Variants in TAS2R1 observed in about 807,000 individuals in gnomAD.
TAS2R1 encodes the protein taste 2 receptor member 1.
For missense variants in TAS2R1, 370 were observed against 353.4 expected, an observed-to-expected ratio of 1.05 and a Z score of -0.38; for synonymous variants, 141 against 134.2, an observed-to-expected ratio of 1.05 and a Z score of -0.35.
At chr5:9,787,483 C>T in the TAS2R1 span, among the ~76,000 whole-genome samples, 10 of 152,202 alleles carry the variant, frequency 6.6e-5, no homozygotes, top group South Asian at 2.1e-3. Flanking sequence ...ATACAAGATA[C>T]AAGTGGTCCT....
the TAS2R1 span, among the ~76,000 whole-genome samples, chr5:9,718,125 A>AT: frequency 0.012 from 1,729 of 138,766 alleles, 21 homozygotes; most frequent in Middle Eastern, 0.044. Flanking sequence ...ATGCCCAGCA[A>AT]TTTTTTTTTT....
the TAS2R1 span, among the ~76,000 whole-genome samples, chr5:9,809,577 C>A: frequency 6.6e-6 from 1 of 152,116 alleles, no homozygotes; most frequent in East Asian, 1.9e-4. Flanking sequence ...TGATCTTGGA[C>A]CTCCAGAACT....
chr5:9,632,138 C>G (rs1441264157), upstream of TAS2R1, among the ~76,000 whole-genome samples: 1 of 152,190 alleles, frequency 6.6e-6, no homozygotes, highest in Non-Finnish European at 1.5e-5. Flanking sequence ...CACCAAAATA[C>G]AAGAATATTG....
Position 9,656,243 on chromosome 5 carries a change from G to A in TAS2R1, c.-81+3178C>T, listed in dbSNP as rs1013371833. Among the ~76,000 whole-genome samples, 7 of 152,240 alleles carry A rather than the reference G, an allele frequency of 4.6e-5. No homozygotes were observed. The East Asian group carries it at 9.6e-4, about 21-fold the overall frequency. On this transcript the variant is annotated intron_variant, in intron 2 of 2. Coordinates refer to the TAS2R1 transcript ENST00000506620. ...TTGGGAAAAGCTAAAGAAAATTATC[G>A]AGTATCAGCAAGATTTAAGTTGTGG... is the stretch of plus-strand genomic sequence containing the variant.
intron 1 of TAS2R1, among the ~76,000 whole-genome samples, chr5:9,664,277 G>T (rs1411361802): frequency 6.6e-6 from 1 of 152,142 alleles, no homozygotes; most frequent in African/African-American, 2.4e-5. Context: ...CTGCAGAAAA[G>T]CAGAGGTTGT....
At chr5:9,887,772 T>C in the TAS2R1 span, among the ~76,000 whole-genome samples, 1 of 152,114 alleles carries the variant, frequency 6.6e-6, no homozygotes, top group Non-Finnish European at 1.5e-5. Flanking sequence ...GTGCAATCTG[T>C]TATAATAAGC....
At chr5:9,694,007 C>T (rs909282026) in intron 1 of TAS2R1, among the ~76,000 whole-genome samples, 2 of 152,086 alleles carry the variant, frequency 1.3e-5, no homozygotes, top group African/African-American at 4.8e-5. Flanking sequence ...TTGAGAAGAA[C>T]GAGCTTTTTA....
intron 1 of TAS2R1, among the ~76,000 whole-genome samples, chr5:9,684,822 T>C (rs1741094055): frequency 6.6e-6 from 1 of 152,098 alleles, no homozygotes; most frequent in Admixed American, 6.6e-5. Context: ...CTCTGTTGCA[T>C]AAATATGTAC....
upstream of TAS2R1, among the ~76,000 whole-genome samples, chr5:9,631,350 C>T (rs952108475): frequency 1.3e-5 from 2 of 152,198 alleles, no homozygotes; most frequent in African/African-American, 2.4e-5. Context: ...GGTAATCCTC[C>T]TGCCTCAGCC....
chr5:9,864,403 G>A, the TAS2R1 span, among the ~76,000 whole-genome samples: 1 of 152,110 alleles, frequency 6.6e-6, no homozygotes, highest in Non-Finnish European at 1.5e-5. Context: ...TGAGACAGGC[G>A]GGTCTCTTGA....
chr5:9,727,316 C>A, the TAS2R1 span, among the ~76,000 whole-genome samples: 1 of 152,178 alleles, frequency 6.6e-6, no homozygotes, highest in Non-Finnish European at 1.5e-5. Flanking sequence ...ATTGAATAAA[C>A]AGAGTTAATG....
At chr5:9,868,005 C>A in the TAS2R1 span, among the ~76,000 whole-genome samples, 3 of 152,204 alleles carry the variant, frequency 2.0e-5, no homozygotes, top group Admixed American at 2.0e-4. Flanking sequence ...CATTCTGATG[C>A]AAGAAGTGGG....
the TAS2R1 span, among the ~76,000 whole-genome samples, chr5:9,746,204 A>C: frequency 3.3e-5 from 5 of 152,360 alleles, no homozygotes; most frequent in East Asian, 9.6e-4. Flanking sequence ...TGCAAATCAA[A>C]ACCACAATGA....
the TAS2R1 span, among the ~76,000 whole-genome samples, chr5:9,838,934 A>C: frequency 2.0e-5 from 3 of 152,210 alleles, no homozygotes; most frequent in Non-Finnish European, 4.4e-5. Flanking sequence ...GATGGTTAGA[A>C]GGCTCTGGTT....
At position 9,629,275 on chromosome 5, in the gene TAS2R1, T is replaced by C. The variant is rs112717667; in HGVS notation, c.758A>G (p.His253Arg). 1 of 1,613,976 alleles carries C rather than the reference T, an allele frequency of 6.2e-7. No homozygotes were observed. Among genetic ancestry groups the C allele is most frequent in the Admixed American group, 1.7e-5 (1 of 59,966 alleles). ...IKVFLSSLKF[H>R]IRRFIFLFFI... ...GAACAGAAAGATGAACCTTCTGATG[T>C]GAAACTTTAGAGAAGAGAGAAAAAC... Residue 253 changes from histidine (H) to arginine (R), a missense_variant, in exon 1 of 1, where the codon CAC (histidine) becomes CGC (arginine). His to Arg is a conservative substitution (Grantham distance 29). Transcript: ENST00000382492.
chr5:9,634,452 T>G (rs989456903), upstream of TAS2R1, among the ~76,000 whole-genome samples: 2 of 152,160 alleles, frequency 1.3e-5, no homozygotes, highest in Non-Finnish European at 2.9e-5. Context: ...TGGTTCCATA[T>G]GAATTTTAGT....
chr5:9,738,565 G>A, the TAS2R1 span, among the ~76,000 whole-genome samples: 1 of 152,172 alleles, frequency 6.6e-6, no homozygotes, highest in African/African-American at 2.4e-5. Flanking sequence ...ACCTAGCGAT[G>A]ATTATTACAT....
upstream of TAS2R1, among the ~76,000 whole-genome samples, chr5:9,716,731 T>C (rs955472433): frequency 1.3e-5 from 2 of 152,132 alleles, no homozygotes; most frequent in African/African-American, 2.4e-5. Flanking sequence ...TAATCTATGA[T>C]CATGCATAAG....
intron 2 of TAS2R1, among the ~76,000 whole-genome samples, chr5:9,647,976 CA>C (rs1389865782): frequency 6.6e-6 from 1 of 152,112 alleles, no homozygotes; most frequent in East Asian, 1.9e-4. Context: ...TAGTGATTCA[CA>C]AAGCTTACTT....
Sources: gnomAD v4.1 joint callset for allele counts (sites outside exome capture counted in the v4.1 genomes callset) on GRCh38, gnomAD v4.1.1 for gene constraint, MANE v1.5 for transcripts, NCBI Gene and HGNC (gene_info 2026-07-23, HGNC 2026-07-21) for gene names.